Variants in CSMD2 observed in about 807,000 individuals in gnomAD.
CSMD2 encodes CUB and sushi domain-containing protein 2.
In CSMD2, 130 loss-of-function variants were observed where a neutral mutation model predicts 398.5. The ratio of observed to expected loss-of-function variants is 0.33; its 90% CI spans 0.28 to 0.38. The LOEUF is 0.38. Among genes scored for constraint, CSMD2 ranks in the 10% least tolerant of loss-of-function variants. CSMD2 has a pLI of 1.00. For synonymous variants in CSMD2, 1,828 were observed against 1,908.5 expected, an observed-to-expected ratio of 0.96 and a Z score of 1.10; for missense variants, 3,829 against 4,764.9, an observed-to-expected ratio of 0.80 and a Z score of 5.78.
chr1:33,624,724 C>T lies in CSMD2; in HGVS notation c.5501-81G>A, dbSNP rs985123004. The T allele has an allele frequency of 2.2e-4, 345 of 1,541,118 alleles. 1 individual carries two copies. In the Admixed American group the frequency reaches 6.4e-3, roughly 28 times the overall value. On this transcript the variant is annotated intron_variant, in intron 34 of 70. Transcript: ENST00000373381. This position sits in a 1 kb window ranked among gnomAD's most constrained non-coding sequence, Gnocchi z 4.7. ...CAAGCTGACTCCTCCCTCATGGCCC[C>T]CAGCCTCTGTTTGTCCTCCTCCCCA...
chr1:33,533,238 G>C lies in CSMD2; in HGVS notation c.9992-9C>G. On this transcript the variant is annotated splice_polypyrimidine_tract_variant and intron_variant, in intron 63 of 70. Coordinates refer to ENST00000373381, the MANE Select transcript of CSMD2 (RefSeq NM_001281956.2). The surrounding 1 kb of genome is among the most constrained non-coding windows in gnomAD (Gnocchi z 4.2). ...CTGCCTGCAGTGGTGGGCTGGATGAGAGGAAAGACCCTGTTGGACTGGAGG... is the reference window on the plus strand; with the variant it reads ...CTGCCTGCAGTGGTGGGCTGGATGACAGGAAAGACCCTGTTGGACTGGAGG... 1.2e-6 allele frequency: 2 copies of C among 1,613,276 alleles called. No individual in the cohort carries two copies. Among genetic ancestry groups the C allele is most frequent in the Non-Finnish European group, 1.7e-6 (2 of 1,179,828 alleles).
At chr1:33,618,189 C>T (rs1361482859) in intron 37 of CSMD2, among the ~76,000 whole-genome samples, 3 of 152,124 alleles carry the variant, frequency 2.0e-5, no homozygotes, top group Non-Finnish European at 4.4e-5. Context: ...GTTGTGTTTT[C>T]AAGGTCAGGC....
intron 5 of CSMD2, among the ~76,000 whole-genome samples, chr1:33,881,411 C>T (rs766339328): frequency 2.6e-5 from 4 of 152,128 alleles, no homozygotes; most frequent in African/African-American, 4.8e-5. Flanking sequence ...GTGGAGATGC[C>T]TGAATTAGTT....
chr1:33,795,768 G>C (rs903246032), intron 10 of CSMD2, among the ~76,000 whole-genome samples: 1 of 152,230 alleles, frequency 6.6e-6, no homozygotes, highest in African/African-American at 2.4e-5. Context: ...GAGGGCAGGG[G>C]TCAGGCCTCA....
At chr1:33,823,854 G>C (rs1224127427) in intron 7 of CSMD2, among the ~76,000 whole-genome samples, 2 of 152,216 alleles carry the variant, frequency 1.3e-5, no homozygotes, top group Admixed American at 6.5e-5. Flanking sequence ...ATTAGAACAG[G>C]GTTTCTCTTT....
intron 6 of CSMD2, among the ~76,000 whole-genome samples, chr1:33,842,974 G>A (rs570851383): frequency 6.6e-6 from 1 of 152,250 alleles, no homozygotes; most frequent in Admixed American, 6.5e-5. Context: ...ATCTTTCTGA[G>A]ACCCACATTT....
At chr1:33,542,413 C>A (rs1386920870) in intron 58 of CSMD2, among the ~76,000 whole-genome samples, 1 of 152,202 alleles carries the variant, frequency 6.6e-6, no homozygotes, top group Non-Finnish European at 1.5e-5. Context: ...GAGAAATGGC[C>A]AACATATATT....
At chr1:33,815,345 C>G (rs914679157) in intron 9 of CSMD2, 1 of 152,072 alleles carries the variant, frequency 6.6e-6, no homozygotes, top group Admixed American at 6.6e-5. Context: ...CGTTTCTGAC[C>G]GAATTTCTTC....
At chr1:33,720,472 C>G (rs186002629) in intron 19 of CSMD2, among the ~76,000 whole-genome samples, 1 of 152,240 alleles carries the variant, frequency 6.6e-6, no homozygotes, top group Non-Finnish European at 1.5e-5. Context: ...GAAGGGCTGG[C>G]CAGGCAAGGG....
chr1:33,624,956 G>T lies in CSMD2; in HGVS notation c.5500+95C>A. 7.8e-7 allele frequency: 1 copy of T among 1,276,014 alleles called. No individual in the cohort carries two copies. The highest frequency in any genetic ancestry group is 1.1e-6 in the Non-Finnish European group (1 of 886,752). The allele number at this position is 1,276,014 out of a possible 1,614,324, so 79.0% of individuals were successfully genotyped here. A position where few individuals can be genotyped will look rare whatever the true frequency, so the allele number is the denominator to read the frequency against. On this transcript the variant is annotated intron_variant, in intron 34 of 70. Transcript: ENST00000373381. The surrounding 1 kb of genome is among the most constrained non-coding windows in gnomAD (Gnocchi z 4.7). ...ATGCGGTGGGAAGCGGCTGCTGTGT[G>T]TCGTGGGGCATCACTGGGGCTGACT...
At chr1:34,069,053 A>G (rs1263840599) in intron 2 of CSMD2, among the ~76,000 whole-genome samples, 1 of 152,200 alleles carries the variant, frequency 6.6e-6, no homozygotes, top group Non-Finnish European at 1.5e-5. Flanking sequence ...AGTTCAGAGG[A>G]AAAAGAGAAC....
At chr1:33,698,312 AG>A (rs1398854019) in intron 24 of CSMD2, among the ~76,000 whole-genome samples, 1 of 152,156 alleles carries the variant, frequency 6.6e-6, no homozygotes, top group Non-Finnish European at 1.5e-5. Context: ...CCTCCAGTAA[AG>A]GGAGAATGAG....
chr1:33,708,639 T>C (rs1187832496), intron 22 of CSMD2, among the ~76,000 whole-genome samples: 1 of 105,316 alleles, frequency 9.5e-6, no homozygotes, highest in Non-Finnish European at 2.0e-5. Context: ...TCTGACTCTG[T>C]CACCCAGTCT....
chr1:33,995,522 G>A (rs1646698562), intron 3 of CSMD2, among the ~76,000 whole-genome samples: 1 of 152,196 alleles, frequency 6.6e-6, no homozygotes, highest in Admixed American at 6.5e-5. Context: ...TCTGGGATAT[G>A]GTCTCTGCAA....
chr1:33,552,287 T>A (rs1339250041), intron 55 of CSMD2, among the ~76,000 whole-genome samples: 3 of 152,202 alleles, frequency 2.0e-5, no homozygotes, highest in African/African-American at 7.2e-5. Flanking sequence ...GAAATTGTAA[T>A]CCTTATACAC....
intron 5 of CSMD2, among the ~76,000 whole-genome samples, chr1:33,906,189 T>C (rs1643077003): frequency 6.6e-6 from 1 of 152,100 alleles, no homozygotes; most frequent in African/African-American, 2.4e-5. Flanking sequence ...TACCACTGAG[T>C]TTTAGGGTTA....
intron 6 of CSMD2, among the ~76,000 whole-genome samples, chr1:33,828,143 T>C (rs1475373394): frequency 6.6e-6 from 1 of 152,210 alleles, no homozygotes. Context: ...CCAACATGCA[T>C]TCAAACCGTT....
At chr1:34,047,662 G>A (rs1558298835) in intron 2 of CSMD2, among the ~76,000 whole-genome samples, 1 of 152,126 alleles carries the variant, frequency 6.6e-6, no homozygotes, top group African/African-American at 2.4e-5. Flanking sequence ...CAATTATAAT[G>A]CAATATAGTA....
Position 33,814,497 on chromosome 1 carries a change from C to T in CSMD2, c.1325-3633G>A, listed in dbSNP as rs1399511459. ...CCTCTTATCTCCCCTTACTCTTAGC[C>T]GATGACTTTGGCTTTCTCTTTGGAG... is the stretch of plus-strand genomic sequence containing the variant. On this transcript the variant is annotated intron_variant, in intron 9 of 70. Transcript: ENST00000373381. Among the ~76,000 whole-genome samples the T allele has an allele frequency of 8.6e-5, 13 of 151,516 alleles. No homozygotes were observed. In the East Asian group the frequency reaches 2.3e-3, roughly 27 times the overall value.
Sources: gnomAD v4.1 joint callset for allele counts (sites outside exome capture counted in the v4.1 genomes callset) on GRCh38, gnomAD v4.1.1 for gene constraint, Gnocchi (gnomAD v3.1) non-coding constraint, MANE v1.5 for transcripts, NCBI Gene and HGNC (gene_info 2026-07-23, HGNC 2026-07-21) for gene names.